Variants in STAB2 observed in about 807,000 individuals in gnomAD.
The protein encoded by STAB2 is stabilin 2.
Under a neutral mutation model 338.1 loss-of-function variants are expected in STAB2, and 288 were observed. The observed-to-expected ratio is 0.85, with a 90% CI of 0.77 to 0.94. The LOEUF (loss-of-function observed/expected upper bound fraction) is 0.94. STAB2 is among the 40% of genes least tolerant of loss of function. The pLI, the probability that STAB2 is intolerant of heterozygous loss-of-function variation, is 0.00. For missense variants in STAB2, 3,141 were observed against 3,210.1 expected (o/e 0.98, Z 0.52); for synonymous variants, 1,202 against 1,193.3 (o/e 1.01, Z -0.15).
At position 103,640,172 on chromosome 12, in the gene STAB2, G is replaced by C. The variant is rs1246825767; in HGVS notation, c.956G>C (p.Gly319Ala). 1.2e-6 allele frequency: 2 copies of C among 1,613,432 alleles called. No homozygotes were observed. The highest frequency in any genetic ancestry group is 8.5e-7 in the Non-Finnish European group (1 of 1,179,578). The part of the protein sequence containing the change: ...EHYQNFVPGV[G>A]CSMTDICKSD... ...TACCAGAATTTCGTACCTGGAGTGG[G>C]GTGCAGTATGACTGATATATGTAAA... Residue 319 changes from glycine to alanine, a missense_variant, in exon 9 of 69, where the codon GGG (glycine) becomes GCG (alanine). Physicochemically the swap from Gly to Ala is moderately conservative, Grantham distance 60. Coordinates refer to ENST00000388887, the MANE Select transcript of STAB2 (RefSeq NM_017564.10).
chr12:103,689,843 C>T lies in STAB2; in HGVS notation c.3046-3C>T. The T allele has an allele frequency of 6.2e-7, 1 of 1,612,250 alleles. No individual in the cohort carries two copies. Among genetic ancestry groups the T allele is most frequent in the Non-Finnish European group, 8.5e-7 (1 of 1,179,424 alleles). On this transcript the variant is annotated splice_region_variant and splice_polypyrimidine_tract_variant and intron_variant, in intron 28 of 68. Coordinates refer to ENST00000388887, the MANE Select transcript of STAB2 (RefSeq NM_017564.10). ...GTCACTTTATTTTCCTTCTGTGGTT[C>T]AGAATGCTTCTCTACAACCCACACT... is the stretch of plus-strand genomic sequence containing the variant.
chr12:103,647,145 C>T (rs1006632719), intron 9 of STAB2, among the ~76,000 whole-genome samples: 3 of 152,128 alleles, frequency 2.0e-5, no homozygotes, highest in East Asian at 3.9e-4. Flanking sequence ...AATTTTAAAG[C>T]GCAGTCAGGA....
chr12:103,632,586 G>C (rs748816409), intron 6 of STAB2, among the ~76,000 whole-genome samples: 3 of 152,154 alleles, frequency 2.0e-5, no homozygotes, highest in African/African-American at 4.8e-5. Context: ...ATGTCGAGAG[G>C]GCTGTGGGAA....
chr12:103,708,447 C>T lies in STAB2; in HGVS notation c.4199C>T (p.Ser1400Phe). Residue 1400 changes from serine (S) to phenylalanine (F), a missense_variant, in exon 39 of 69, where the codon TCT becomes TTT. Physicochemically the swap from Ser to Phe is radical, Grantham distance 155. Coordinates refer to ENST00000388887, the MANE Select transcript of STAB2 (RefSeq NM_017564.10). ...AGGTGATTTTCCCACTTAGCATGTT[C>T]TTGTGTCCATGGGAGATGCAACCAA... ...KYGIHCDQAC[S>F]CVHGRCNQGP... 6.2e-7 allele frequency: 1 copy of T among 1,614,060 alleles called. No individual in the cohort carries two copies. Among genetic ancestry groups the T allele is most frequent in the South Asian group, 1.1e-5 (1 of 91,062 alleles).
At chr12:103,700,892 A>T (rs986058885) in intron 34 of STAB2, among the ~76,000 whole-genome samples, 1 of 151,880 alleles carries the variant, frequency 6.6e-6, no homozygotes, top group African/African-American at 2.4e-5. Flanking sequence ...CATGTGCACA[A>T]TGTGCAGGTT....
At chr12:103,747,321 A>T (rs1593322871) in intron 58 of STAB2, among the ~76,000 whole-genome samples, 1 of 152,314 alleles carries the variant, frequency 6.6e-6, no homozygotes. Flanking sequence ...CAGTGGCATA[A>T]ATAAGGCAGA....
intron 3 of STAB2, among the ~76,000 whole-genome samples, chr12:103,619,217 G>A (rs1306465789): frequency 6.6e-6 from 1 of 152,044 alleles, no homozygotes; most frequent in Non-Finnish European, 1.5e-5. Context: ...ACTTAAATGG[G>A]GGAACATTTC....
chr12:103,596,009 A>G (rs575096187), intron 3 of STAB2, among the ~76,000 whole-genome samples: 2 of 152,308 alleles, frequency 1.3e-5, no homozygotes, highest in South Asian at 2.1e-4. Context: ...TAGCTGCTCT[A>G]TGCTCAGTTT....
intron 6 of STAB2, among the ~76,000 whole-genome samples, chr12:103,636,047 T>A (rs958061517): frequency 6.6e-6 from 1 of 152,196 alleles, no homozygotes; most frequent in Non-Finnish European, 1.5e-5. Flanking sequence ...ATTCTTTTTT[T>A]AATTTTATTA....
At chr12:103,601,284 A>G (rs559136572) in intron 3 of STAB2, among the ~76,000 whole-genome samples, 12 of 152,210 alleles carry the variant, frequency 7.9e-5, no homozygotes, top group East Asian at 5.8e-4. Flanking sequence ...GAAAAAAAAA[A>G]GGGGGAGTCA....
chr12:103,701,693 C>T (rs1427918174), intron 34 of STAB2, among the ~76,000 whole-genome samples: 1 of 151,950 alleles, frequency 6.6e-6, no homozygotes, highest in Non-Finnish European at 1.5e-5. Context: ...TTACAATCAC[C>T]ATTTGAGACT....
chr12:103,599,349 G>A (rs761569307), intron 3 of STAB2, among the ~76,000 whole-genome samples: 1 of 152,122 alleles, frequency 6.6e-6, no homozygotes, highest in Non-Finnish European at 1.5e-5. Context: ...GCCCACCCCT[G>A]GAATTCTTGC....
chr12:103,669,006 AC>A (rs1193275818), intron 20 of STAB2, among the ~76,000 whole-genome samples: 1 of 151,704 alleles, frequency 6.6e-6, no homozygotes, highest in Non-Finnish European at 1.5e-5. Flanking sequence ...CCTGCCTGTC[AC>A]CCCCATTCCT....
intron 5 of STAB2, 48 bp from the exon 6 acceptor site, chr12:103,631,550 G>A (rs781625358): frequency 5.2e-6 from 8 of 1,540,124 alleles, no homozygotes; most frequent in Non-Finnish European, 7.2e-6. Flanking sequence ...AGAATGTTTA[G>A]CAACAGTCTA....
At chr12:103,745,864 A>G (rs1409438358) in intron 57 of STAB2, among the ~76,000 whole-genome samples, 1 of 152,188 alleles carries the variant, frequency 6.6e-6, no homozygotes, top group Non-Finnish European at 1.5e-5. Flanking sequence ...ATCATTTATA[A>G]TCATTGCCAT....
chr12:103,594,567 A>G, intron 3 of STAB2, 57 bp downstream of exon 3: 1 of 1,344,692 alleles, frequency 7.4e-7, no homozygotes, highest in Non-Finnish European at 1.1e-6. Flanking sequence ...CATTTGGTAG[A>G]AAATTGAGAT....
chr12:103,736,639 C>A (rs1882145979), intron 52 of STAB2, among the ~76,000 whole-genome samples: 1 of 151,964 alleles, frequency 6.6e-6, no homozygotes, highest in Non-Finnish European at 1.5e-5. Flanking sequence ...ATTATTTAGT[C>A]TGATCTGTAT....
intron 32 of STAB2, 25 bp downstream of exon 32, chr12:103,695,673 C>T (rs1226203245): frequency 4.3e-6 from 7 of 1,613,802 alleles, no homozygotes; most frequent in East Asian, 2.2e-5. Flanking sequence ...CTCTGCCTGA[C>T]CACCATGCTC....
intron 44 of STAB2, among the ~76,000 whole-genome samples, chr12:103,720,624 G>A (rs1234528622): frequency 1.3e-5 from 2 of 152,148 alleles, no homozygotes; most frequent in Non-Finnish European, 2.9e-5. Context: ...GCTAAATCTG[G>A]CCCAAGAACA....
Sources: allele counts gnomAD v4.1 joint callset (sites outside exome capture counted in the v4.1 genomes callset), GRCh38; gene constraint gnomAD v4.1.1; transcripts MANE v1.5; gene names NCBI Gene and HGNC (gene_info 2026-07-23, HGNC 2026-07-21).